The following PCDHGB7 variants were observed in gnomAD, a reference collection of about 807,000 sequenced individuals.
The protein encoded by PCDHGB7 is protocadherin gamma subfamily B, 7.
A neutral mutation model predicts 61.4 loss-of-function variants in PCDHGB7; 37 were observed. That is an observed-to-expected ratio of 0.60 (90% CI 0.46 to 0.79). The LOEUF (loss-of-function observed/expected upper bound fraction) is 0.79, where lower values mean the gene tolerates loss of function less well. PCDHGB7 is among the 30% of genes least tolerant of loss of function. The probability of loss-of-function intolerance (pLI) is 0.00; values close to 1 mark genes in which losing one functional copy is unlikely to be tolerated. For synonymous variants in PCDHGB7, 464 were observed against 503.5 expected, an observed-to-expected ratio of 0.92 and a Z score of 1.05; for missense variants, 1,166 against 1,202.5, an observed-to-expected ratio of 0.97 and a Z score of 0.45.
At chr5:141,442,689 G>A (rs966261716) in intron 1 of PCDHGB7, among the ~76,000 whole-genome samples, 1 of 152,238 alleles carries the variant, frequency 6.6e-6, no homozygotes, top group South Asian at 2.1e-4. Context: ...CAGTAGTCAG[G>A]CAGACAAGAG....
intron 1 of PCDHGB7, chr5:141,423,674 C>A (rs57195665): frequency 0.087 from 131,432 of 1,514,090 alleles, 6,254 homozygotes; most frequent in East Asian, 0.14. Flanking sequence ...AGATTTATTT[C>A]TCTGCCTCCT....
At chr5:141,441,862 G>A (rs2098280399) in intron 1 of PCDHGB7, 3 of 342,456 alleles carry the variant, frequency 8.8e-6, no homozygotes, top group Non-Finnish European at 1.1e-5. Context: ...GCTGCACGCC[G>A]CGGAGCCTGG....
intron 1 of PCDHGB7, among the ~76,000 whole-genome samples, chr5:141,483,255 G>T (rs1383670642): frequency 1.3e-5 from 2 of 152,030 alleles, no homozygotes; most frequent in African/African-American, 2.4e-5. Context: ...ATATCATGAG[G>T]TTTTTTTGTT....
intron 1 of PCDHGB7, among the ~76,000 whole-genome samples, chr5:141,453,322 G>A (rs897661534): frequency 6.6e-6 from 1 of 151,544 alleles, no homozygotes; most frequent in Non-Finnish European, 1.5e-5. Flanking sequence ...TTTTAGAGAT[G>A]GGGTCTCACT....
intron 1 of PCDHGB7, chr5:141,423,907 G>C: frequency 7.9e-7 from 1 of 1,271,360 alleles, no homozygotes. Context: ...TTTCAAAGGG[G>C]CCATTCAACT....
At position 141,490,487 on chromosome 5, in the gene PCDHGB7, C is replaced by T. The variant is rs1398601464; in HGVS notation, c.2416-4320C>T. Reference sequence around the variant, plus strand: ...ACCAGCCAGCCTTTGGACCGGGAGGCCACATCCCACTATATCATCGAGCTG... The same window carrying T: ...ACCAGCCAGCCTTTGGACCGGGAGGTCACATCCCACTATATCATCGAGCTG... On this transcript the variant is annotated intron_variant, in intron 1 of 3. Coordinates refer to ENST00000398594, the MANE Select transcript of PCDHGB7 (RefSeq NM_018927.4). This position sits in a 1 kb window ranked among gnomAD's most constrained non-coding sequence, Gnocchi z 5.4. 4 of 1,614,000 alleles carry T rather than the reference C, an allele frequency of 2.5e-6. No homozygotes were observed. The highest frequency in any genetic ancestry group is 1.7e-5 in the Admixed American group (1 of 59,996).
At position 141,489,369 on chromosome 5, in the gene PCDHGB7, G is replaced by A. The variant is rs371328808; in HGVS notation, c.2416-5438G>A. The A allele has an allele frequency of 4.5e-5, 73 of 1,613,474 alleles. No individual in the cohort carries two copies. Among genetic ancestry groups the A allele is most frequent in the African/African-American group, 4.1e-4 (31 of 74,894 alleles). ...TGGTGGAGGAGTCTGAGCCGGGGACGCTGGTGGGGAATGTTGCTCAGGATC... is the reference window on the plus strand; with the variant it reads ...TGGTGGAGGAGTCTGAGCCGGGGACACTGGTGGGGAATGTTGCTCAGGATC... On this transcript the variant is annotated intron_variant, in intron 1 of 3. Transcript: ENST00000398594. This position sits in a 1 kb window ranked among gnomAD's most constrained non-coding sequence, Gnocchi z 4.5.
intron 1 of PCDHGB7, among the ~76,000 whole-genome samples, chr5:141,451,829 C>T (rs564970982): frequency 1.2e-4 from 18 of 151,422 alleles, no homozygotes; most frequent in African/African-American, 4.1e-4. Flanking sequence ...TACAGTGAGC[C>T]GAGATCACAC....
chr5:141,447,658 A>C (rs114314834), intron 1 of PCDHGB7, among the ~76,000 whole-genome samples: 3,576 of 152,302 alleles, frequency 0.023, 90 homozygotes, highest in Non-Finnish European at 0.03. Context: ...TTTCCCCCCC[A>C]GGAAGTTAGA....
chr5:141,456,047 A>G (rs1321504293), intron 1 of PCDHGB7, among the ~76,000 whole-genome samples: 3 of 151,774 alleles, frequency 2.0e-5, no homozygotes, highest in Non-Finnish European at 4.4e-5. Context: ...ACAGGCGCCC[A>G]CCACCACGTC....
chr5:141,486,399 C>G lies in PCDHGB7; in HGVS notation c.2416-8408C>G. On this transcript the variant is annotated intron_variant, in intron 1 of 3. Transcript: ENST00000398594. The surrounding 1 kb of genome is among the most constrained non-coding windows in gnomAD (Gnocchi z 5.0). ...TTCAGGAACCAGTTCTCCCTGGTGA[C>G]TGCTGGACCCTTGGATCGAGAGGCC... The G allele has an allele frequency of 6.2e-7, 1 of 1,614,188 alleles. No individual in the cohort carries two copies. The highest frequency in any genetic ancestry group is 1.1e-5 in the South Asian group (1 of 91,090).
chr5:141,431,660 A>G lies in PCDHGB7; in HGVS notation c.2415+11386A>G. On this transcript the variant is annotated intron_variant, in intron 1 of 3. Transcript: ENST00000398594. This position sits in a 1 kb window ranked among gnomAD's most constrained non-coding sequence, Gnocchi z 4.8. ...CAAACTAGATTGTAATTCAGGGACA[A>G]TATCAACAATAGGGGAGTTGGACCA... 7 of 1,614,256 alleles carry G rather than the reference A, an allele frequency of 4.3e-6. No individual in the cohort carries two copies. The highest frequency in any genetic ancestry group is 5.1e-6 in the Non-Finnish European group (6 of 1,180,046).
chr5:141,426,542 T>C, intron 1 of PCDHGB7: 1 of 347,918 alleles, frequency 2.9e-6, no homozygotes, highest in South Asian at 2.2e-5. Context: ...AACATACTTG[T>C]GAGTGACAGA....
At chr5:141,465,978 C>T (rs568961720) in intron 1 of PCDHGB7, among the ~76,000 whole-genome samples, 7 of 151,998 alleles carry the variant, frequency 4.6e-5, no homozygotes, top group South Asian at 2.1e-4. Context: ...AAAAATTAGC[C>T]GGGCATGGTG....
At chr5:141,451,193 A>T (rs2098710240) in intron 1 of PCDHGB7, among the ~76,000 whole-genome samples, 1 of 152,208 alleles carries the variant, frequency 6.6e-6, no homozygotes, top group Non-Finnish European at 1.5e-5. Context: ...TGTGTAACAA[A>T]TTATCCCAAA....
Position 141,420,043 on chromosome 5 carries a change from G to T in PCDHGB7, c.2184G>T (p.Glu728Asp), listed in dbSNP as rs747553514. Residue 728 changes from glutamate (E) to aspartate (D), a missense_variant, in exon 1 of 4, where the codon GAG becomes GAT. Physicochemically the swap from Glu to Asp is conservative, Grantham distance 45 (BLOSUM62 2). Coordinates refer to ENST00000398594, the MANE Select transcript of PCDHGB7 (RefSeq NM_018927.4). ...SFSPTAGDCF[E>D]SVLCSKSGPV... ...GCCCTACTGCAGGAGACTGCTTTGAGTCAGTTCTCTGCTCCAAGTCCGGAC... is the reference window on the plus strand; with the variant it reads ...GCCCTACTGCAGGAGACTGCTTTGATTCAGTTCTCTGCTCCAAGTCCGGAC... The T allele has an allele frequency of 1.9e-6, 3 of 1,614,078 alleles. No individual in the cohort carries two copies. In the Admixed American group the frequency reaches 5.0e-5, roughly 27 times the overall value.
At chr5:141,434,119 C>T (rs2097673106) in intron 1 of PCDHGB7, among the ~76,000 whole-genome samples, 1 of 152,180 alleles carries the variant, frequency 6.6e-6, no homozygotes, top group Non-Finnish European at 1.5e-5. Flanking sequence ...GCCTTTGGGA[C>T]TCCCTTTAGG....
rs778052844 is a variant in PCDHGB7, at chr5:141,486,259, T to C, written c.2416-8548T>C. ...CAGAGCTTGGAACCCTCCCCGAGAG[T>C]GCAGAACCTGGCACTGTGGTGGCAC... is the stretch of plus-strand genomic sequence containing the variant. On this transcript the variant is annotated intron_variant, in intron 1 of 3. Coordinates refer to ENST00000398594, the MANE Select transcript of PCDHGB7 (RefSeq NM_018927.4). This position sits in a 1 kb window ranked among gnomAD's most constrained non-coding sequence, Gnocchi z 5.0. 1 of 1,613,204 alleles carries C rather than the reference T, an allele frequency of 6.2e-7. No individual in the cohort carries two copies. The highest frequency in any genetic ancestry group is 8.5e-7 in the Non-Finnish European group (1 of 1,179,716).
At position 141,431,391 on chromosome 5, in the gene PCDHGB7, T is replaced by C; in HGVS notation, c.2415+11117T>C. Reference sequence around the variant, plus strand: ...GAAGAAAAGGCTGCTCACCACCTGGTCCTTACGGCCTCCGACGGGGGCGAC... The same window carrying C: ...GAAGAAAAGGCTGCTCACCACCTGGCCCTTACGGCCTCCGACGGGGGCGAC... On this transcript the variant is annotated intron_variant, in intron 1 of 3. Transcript: ENST00000398594. The surrounding 1 kb of genome is among the most constrained non-coding windows in gnomAD (Gnocchi z 4.8). 1 of 1,613,852 alleles carries C rather than the reference T, an allele frequency of 6.2e-7. No homozygotes were observed.
Sources: allele counts gnomAD v4.1 joint callset (sites outside exome capture counted in the v4.1 genomes callset), GRCh38; gene constraint gnomAD v4.1.1; non-coding constraint Gnocchi (gnomAD v3.1); transcripts MANE v1.5; gene names NCBI Gene and HGNC (gene_info 2026-07-23, HGNC 2026-07-21).